SKAP1: variants seen among roughly 807,000 people sequenced by gnomAD.
SKAP1 encodes the protein src kinase-associated phosphoprotein 1.
In SKAP1, 44 loss-of-function variants were observed where a neutral mutation model predicts 58.5. That is an observed-to-expected ratio of 0.75 (90% CI 0.59 to 0.97). SKAP1 has a LOEUF of 0.97. SKAP1 is among the 50% of genes least tolerant of loss of function. SKAP1 has a pLI of 0.00. For missense variants in SKAP1, 390 were observed against 435.2 expected (o/e 0.90, Z 0.92); for synonymous variants, 127 against 149.7 (o/e 0.85, Z 1.11).
chr17:48,145,684 A>T (rs1214570136), intron 11 of SKAP1, among the ~76,000 whole-genome samples: 1 of 152,150 alleles, frequency 6.6e-6, no homozygotes, highest in Admixed American at 6.5e-5. Context: ...GCCTATCATA[A>T]GGCTTAAAAG....
rs1283982367 is a variant in SKAP1 at position 48,224,038 on chromosome 17, AAGGAGGAGGAGG to A, written c.281-34550_281-34539del. On this transcript the variant is annotated intron_variant, in intron 4 of 12. Coordinates refer to ENST00000336915, the MANE Select transcript of SKAP1 (RefSeq NM_003726.4). Reference sequence around the variant, plus strand: ...AGAGAGAGAGAGAGAGAGAGAGAAGAAGGAGGAGGAGGAGGAGGAGGAGGAGGAGAAGGAGGA... The same window carrying A: ...AGAGAGAGAGAGAGAGAGAGAGAAGAAGGAGGAGGAGGAGGAGAAGGAGGA... Among the ~76,000 whole-genome samples, 4 of 52,442 alleles carry A rather than the reference AAGGAGGAGGAGG, an allele frequency of 7.6e-5. No homozygotes were observed. In the East Asian group the frequency reaches 2.7e-3, roughly 36 times the overall value. The allele number at this position is 52,442 out of a possible 152,430, so 34.4% of individuals were successfully genotyped here.
At chr17:48,179,065 C>T (rs2064333007) in intron 9 of SKAP1, among the ~76,000 whole-genome samples, 1 of 152,190 alleles carries the variant, frequency 6.6e-6, no homozygotes, top group Non-Finnish European at 1.5e-5. Flanking sequence ...AAGTTGCCTA[C>T]TGATGATGCT....
intron 1 of SKAP1, among the ~76,000 whole-genome samples, chr17:48,419,945 T>A (rs1435747037): frequency 1.3e-5 from 2 of 152,188 alleles, no homozygotes; most frequent in Admixed American, 6.5e-5. Flanking sequence ...GTAAGACCAC[T>A]CTATTCCTGA....
intron 11 of SKAP1, among the ~76,000 whole-genome samples, chr17:48,148,736 G>A (rs935769563): frequency 2.6e-5 from 4 of 152,180 alleles, no homozygotes; most frequent in Non-Finnish European, 4.4e-5. Flanking sequence ...AGTGCAATGG[G>A]GAGGGGGTGT....
chr17:48,241,209 G>T (rs2065240699), intron 4 of SKAP1, among the ~76,000 whole-genome samples: 1 of 152,030 alleles, frequency 6.6e-6, no homozygotes, highest in African/African-American at 2.4e-5. Flanking sequence ...CACCACACAT[G>T]GGGCTCCTCA....
intron 4 of SKAP1, among the ~76,000 whole-genome samples, chr17:48,245,943 C>G (rs2065291714): frequency 6.6e-6 from 1 of 152,150 alleles, no homozygotes; most frequent in Non-Finnish European, 1.5e-5. Context: ...CCACTGTACT[C>G]CAGCCTGGGT....
intron 11 of SKAP1, among the ~76,000 whole-genome samples, chr17:48,137,677 AG>A (rs2063718114): frequency 6.6e-6 from 1 of 152,200 alleles, no homozygotes; most frequent in Non-Finnish European, 1.5e-5. Flanking sequence ...CAGATATTCA[AG>A]GGGTCAAGTC....
chr17:48,254,224 A>G (rs1037388975), intron 4 of SKAP1, among the ~76,000 whole-genome samples: 1 of 152,172 alleles, frequency 6.6e-6, no homozygotes, highest in Non-Finnish European at 1.5e-5. Context: ...TTGGTAAGAG[A>G]AACTTCCTTC....
intron 2 of SKAP1, among the ~76,000 whole-genome samples, chr17:48,387,304 C>A (rs2144502442): frequency 6.6e-6 from 1 of 152,248 alleles, no homozygotes; most frequent in South Asian, 2.1e-4. Context: ...TCTTGGATTT[C>A]TCAGCTCTGT....
chr17:48,270,280 CAT>C (rs2143977085), intron 4 of SKAP1, among the ~76,000 whole-genome samples: 1 of 152,240 alleles, frequency 6.6e-6, no homozygotes, highest in African/African-American at 2.4e-5. Flanking sequence ...TGTGCTCACA[CAT>C]ACACACCTAA....
At chr17:48,138,312 C>T (rs1174112887) in intron 11 of SKAP1, among the ~76,000 whole-genome samples, 1 of 151,648 alleles carries the variant, frequency 6.6e-6, no homozygotes, top group Admixed American at 6.6e-5. Flanking sequence ...TCAAGCAATT[C>T]TCCTGTCTCA....
chr17:48,254,761 A>G (rs2065404506), intron 4 of SKAP1, among the ~76,000 whole-genome samples: 1 of 151,666 alleles, frequency 6.6e-6, no homozygotes, highest in South Asian at 2.1e-4. Context: ...TTAAGTGACA[A>G]GGATTCTCTT....
chr17:48,379,884 G>A (rs112074126), intron 2 of SKAP1, among the ~76,000 whole-genome samples: 1,941 of 151,982 alleles, frequency 0.013, 27 homozygotes, highest in Non-Finnish European at 0.019. Flanking sequence ...GAGTTTCACC[G>A]TATTGGCCAG....
At chr17:48,266,755 C>T (rs2065556356) in intron 4 of SKAP1, among the ~76,000 whole-genome samples, 1 of 152,116 alleles carries the variant, frequency 6.6e-6, no homozygotes, top group Non-Finnish European at 1.5e-5. Context: ...CGTGATCCAC[C>T]AGCCTCGGCC....
chr17:48,331,213 T>A (rs2066501936), intron 4 of SKAP1, among the ~76,000 whole-genome samples: 1 of 152,150 alleles, frequency 6.6e-6, no homozygotes, highest in African/African-American at 2.4e-5. Context: ...AATTGTGGAA[T>A]AGAACACAGA....
rs536325941 is a variant in SKAP1 at position 48,345,436 on chromosome 17, G to A, written c.280+469C>T. Among the ~76,000 whole-genome samples, 5 of 152,308 alleles carry A rather than the reference G, an allele frequency of 3.3e-5. No homozygotes were observed. The East Asian group carries it at 9.6e-4, about 29-fold the overall frequency. ...GCAATACCAATATGGTCAGGGGTATGTGAGAAGTACAGGTGAAATGGTATC... is the reference window on the plus strand; with the variant it reads ...GCAATACCAATATGGTCAGGGGTATATGAGAAGTACAGGTGAAATGGTATC... On this transcript the variant is annotated intron_variant, in intron 4 of 12. Coordinates refer to ENST00000336915, the MANE Select transcript of SKAP1 (RefSeq NM_003726.4).
chr17:48,317,453 A>G (rs932781533), intron 4 of SKAP1, among the ~76,000 whole-genome samples: 4 of 152,246 alleles, frequency 2.6e-5, no homozygotes, highest in African/African-American at 9.6e-5. Context: ...TTAAAGATGA[A>G]GAAATGAAAG....
intron 1 of SKAP1, among the ~76,000 whole-genome samples, chr17:48,418,256 C>T (rs992069416): frequency 2.0e-5 from 3 of 152,322 alleles, no homozygotes; most frequent in East Asian, 1.9e-4. Context: ...TGCCACTGCG[C>T]TCCAGCCTGG....
At chr17:48,298,948 T>C (rs185830195) in intron 4 of SKAP1, among the ~76,000 whole-genome samples, 14 of 152,304 alleles carry the variant, frequency 9.2e-5, no homozygotes, top group African/African-American at 2.9e-4. Context: ...TTCAGTGGTA[T>C]GGCAGGCGTG....
Sources: allele counts gnomAD v4.1 joint callset (sites outside exome capture counted in the v4.1 genomes callset), GRCh38; gene constraint gnomAD v4.1.1; transcripts MANE v1.5; gene names NCBI Gene and HGNC (gene_info 2026-07-23, HGNC 2026-07-21).